USP30: variants seen among roughly 807,000 people sequenced by gnomAD.
The protein encoded by USP30 is ubiquitin specific peptidase 30, also known as ubiquitin carboxyl-terminal hydrolase 30.
USP30 carries 41 observed loss-of-function variants against 68.2 expected under a neutral mutation model. The ratio of observed to expected loss-of-function variants is 0.60; its 90% CI spans 0.47 to 0.78. The LOEUF (loss-of-function observed/expected upper bound fraction) is 0.78, where lower values mean the gene tolerates loss of function less well. Ranked by LOEUF, USP30 falls within the 30% of genes least tolerant of loss-of-function variation. USP30 has a pLI of 0.00. For synonymous variants in USP30, 229 were observed against 253.7 expected, an observed-to-expected ratio of 0.90 and a Z score of 0.93; for missense variants, 522 against 649.4, an observed-to-expected ratio of 0.80 and a Z score of 2.13.
chr12:109,025,740 C>T (rs1213989857), intron 2 of USP30, among the ~76,000 whole-genome samples: 1 of 151,890 alleles, frequency 6.6e-6, no homozygotes, highest in Non-Finnish European at 1.5e-5. Flanking sequence ...GGTGTGATCA[C>T]AGCTCACTGC....
chr12:109,027,845 G>T (rs966723548), intron 3 of USP30, among the ~76,000 whole-genome samples: 3 of 152,164 alleles, frequency 2.0e-5, no homozygotes, highest in African/African-American at 7.2e-5. Flanking sequence ...GAAGAATGCT[G>T]CTATAAACAT....
chr12:109,070,135 A>G lies in USP30; in HGVS notation c.481-1477A>G, dbSNP rs1440362668. On this transcript the variant is annotated intron_variant, in intron 4 of 12. Coordinates refer to ENST00000257548, the MANE Select transcript of USP30 (RefSeq NM_032663.5). The surrounding 1 kb of genome is among the most constrained non-coding windows in gnomAD (Gnocchi z 4.0). ...CTGGTTTGATCTGACTTGTTAGAAA[A>G]GGAAGGCTGGAGGGGCAAGAATGCA... Among the ~76,000 whole-genome samples, 2 of 152,138 alleles carry G rather than the reference A, an allele frequency of 1.3e-5. No individual in the cohort carries two copies.
chr12:109,029,887 G>T (rs1415534545), intron 3 of USP30, among the ~76,000 whole-genome samples: 1 of 152,076 alleles, frequency 6.6e-6, no homozygotes, highest in African/African-American at 2.4e-5. Context: ...TAACATTAAT[G>T]GTACCCTATC....
intron 3 of USP30, among the ~76,000 whole-genome samples, chr12:109,059,789 C>T (rs1235518219): frequency 6.6e-6 from 1 of 152,180 alleles, no homozygotes; most frequent in Non-Finnish European, 1.5e-5. Flanking sequence ...GGATTACAGG[C>T]GTGAGCCACT....
intron 1 of USP30, chr12:109,053,656 G>A (rs1176668347): frequency 1.1e-5 from 2 of 179,098 alleles, no homozygotes; most frequent in Middle Eastern, 2.6e-3. Context: ...CCCCCATTCC[G>A]TAGATAGGAA....
Position 109,081,362 on chromosome 12 carries a change from G to A in USP30, c.749G>A (p.Ser250Asn). 1 of 1,614,020 alleles carries A rather than the reference G, an allele frequency of 6.2e-7. No homozygotes were observed. Among genetic ancestry groups the A allele is most frequent in the Non-Finnish European group, 8.5e-7 (1 of 1,180,002 alleles). Residue 250 changes from serine (S) to asparagine (N), a missense_variant, in exon 8 of 13, where the codon AGC (serine) becomes AAC (asparagine). Coordinates refer to ENST00000257548, the MANE Select transcript of USP30 (RefSeq NM_032663.5). ...CCTGTTCGATTTGATACCTTTGATA[G>A]CCTTTCACTAAGTATTCCAGCCGCC... Reference protein sequence around the residue: ...QSPVRFDTFDSLSLSIPAATW... With the variant: ...QSPVRFDTFDNLSLSIPAATW...
At chr12:109,075,975 A>G (rs2041592258) in intron 7 of USP30, among the ~76,000 whole-genome samples, 1 of 150,610 alleles carries the variant, frequency 6.6e-6, no homozygotes, top group African/African-American at 2.4e-5. Flanking sequence ...TTCATTCCAT[A>G]TGTTGCCTTT....
At chr12:109,056,199 GTT>G (rs766737671) in intron 1 of USP30, among the ~76,000 whole-genome samples, 65 of 146,954 alleles carry the variant, frequency 4.4e-4, no homozygotes, top group Middle Eastern at 3.7e-3. Context: ...TGTTGTTGTT[GTT>G]GTTTTTTATG....
chr12:109,028,746 G>T (rs2040461906), intron 3 of USP30, among the ~76,000 whole-genome samples: 1 of 152,056 alleles, frequency 6.6e-6, no homozygotes, highest in South Asian at 2.1e-4. Flanking sequence ...CAAAGTGCTG[G>T]GATCACAGGC....
At chr12:109,050,778 G>C (rs1459618143), upstream of USP30, among the ~76,000 whole-genome samples, 1 of 152,138 alleles carries the variant, frequency 6.6e-6, no homozygotes, top group Non-Finnish European at 1.5e-5. Flanking sequence ...GGAGCCCGAG[G>C]CGGATGGATC....
intron 3 of USP30, among the ~76,000 whole-genome samples, chr12:109,044,199 C>T (rs2040584405): frequency 6.6e-6 from 1 of 152,162 alleles, no homozygotes; most frequent in Admixed American, 6.5e-5. Flanking sequence ...ATAGTGGTTG[C>T]TAGGAACTGA....
intron 8 of USP30, 131 bp downstream of exon 8, chr12:109,081,524 A>G (rs1337677318): frequency 1.1e-6 from 1 of 887,304 alleles, no homozygotes; most frequent in African/African-American, 1.7e-5. Flanking sequence ...CCCTCTCTTA[A>G]CTTTCATATG....
At chr12:109,064,394 A>G (rs892231327) in intron 3 of USP30, among the ~76,000 whole-genome samples, 7 of 152,032 alleles carry the variant, frequency 4.6e-5, no homozygotes, top group African/African-American at 1.4e-4. Context: ...CTTCCCAAGT[A>G]TTTAGGACAA....
upstream of USP30, among the ~76,000 whole-genome samples, chr12:109,051,502 T>G: frequency 1.5e-5 from 2 of 131,254 alleles, no homozygotes; most frequent in East Asian, 2.6e-4. Flanking sequence ...AAGCAATCCG[T>G]GCCCCCCACC....
intron 3 of USP30, among the ~76,000 whole-genome samples, chr12:109,046,845 C>T (rs530842705): frequency 1.4e-3 from 207 of 152,220 alleles, no homozygotes; most frequent in African/African-American, 4.7e-3. Context: ...TACAGGTGTG[C>T]GCCATCATGC....
In USP30 at chr12:109,084,936, G is replaced by A. The variant is rs1294421387; in HGVS notation, c.1169-17G>A. ...CCACTGCTAATTTTCATTGACTCGG[G>A]CCTTTTTCTCTTGCAGTTCTGAATC... On this transcript the variant is annotated splice_polypyrimidine_tract_variant and intron_variant, in intron 11 of 12. Coordinates refer to ENST00000257548, the MANE Select transcript of USP30 (RefSeq NM_032663.5). 6.4e-7 allele frequency: 1 copy of A among 1,554,788 alleles called. No individual in the cohort carries two copies. The highest frequency in any genetic ancestry group is 8.7e-7 in the Non-Finnish European group (1 of 1,146,498).
chr12:109,035,902 T>C (rs995135321), intron 3 of USP30, among the ~76,000 whole-genome samples: 4 of 152,144 alleles, frequency 2.6e-5, no homozygotes, highest in Non-Finnish European at 4.4e-5. Context: ...ATGACTTATG[T>C]CTGTAATCCT....
At chr12:109,036,068 G>C (rs2040516875) in intron 3 of USP30, among the ~76,000 whole-genome samples, 1 of 150,866 alleles carries the variant, frequency 6.6e-6, no homozygotes, top group African/African-American at 2.4e-5. Context: ...GCTGAGGTGG[G>C]AGGATTGCTT....
intron 1 of USP30, 115 bp downstream of exon 1, chr12:109,052,876 T>A: frequency 9.1e-7 from 1 of 1,095,176 alleles, no homozygotes; most frequent in Non-Finnish European, 1.2e-6. Context: ...GCGGGCATTC[T>A]GGAAGGTTCT....
Sources: allele counts gnomAD v4.1 joint callset (sites outside exome capture counted in the v4.1 genomes callset), GRCh38; gene constraint gnomAD v4.1.1; non-coding constraint Gnocchi (gnomAD v3.1); transcripts MANE v1.5; gene names NCBI Gene and HGNC (gene_info 2026-07-23, HGNC 2026-07-21).